The following PCED1B variants were observed in gnomAD, a reference collection of about 807,000 sequenced individuals.
The protein encoded by PCED1B is PC-esterase domain containing 1B.
For missense variants in PCED1B, 573 were observed against 573.9 expected (o/e 1.00, Z 0.02); for synonymous variants, 251 against 246.1 (o/e 1.02, Z -0.19).
At chr12:47,120,388 A>T (rs915802087) in intron 2 of PCED1B, among the ~76,000 whole-genome samples, 1 of 152,252 alleles carries the variant, frequency 6.6e-6, no homozygotes, top group African/African-American at 2.4e-5. Context: ...GCAAATGATT[A>T]TAGCAGTATT....
intron 2 of PCED1B, among the ~76,000 whole-genome samples, chr12:47,207,023 G>A (rs1942932172): frequency 6.6e-6 from 1 of 152,190 alleles, no homozygotes; most frequent in East Asian, 1.9e-4. Context: ...GCTCTGCCCA[G>A]GTAGAAGGAG....
At chr12:47,152,774 T>C (rs554537732) in intron 2 of PCED1B, among the ~76,000 whole-genome samples, 1 of 151,778 alleles carries the variant, frequency 6.6e-6, no homozygotes, top group East Asian at 2.0e-4. Context: ...CTACTAAAAA[T>C]ACAAAAAAAC....
At chr12:47,214,469 G>A (rs1943187290) in intron 2 of PCED1B, among the ~76,000 whole-genome samples, 1 of 151,998 alleles carries the variant, frequency 6.6e-6, no homozygotes, top group African/African-American at 2.4e-5. Context: ...AGGTTCTTTG[G>A]CTGGGATACA....
chr12:47,160,281 C>A (rs142856796), intron 2 of PCED1B, among the ~76,000 whole-genome samples: 3 of 119,234 alleles, frequency 2.5e-5, no homozygotes, highest in South Asian at 2.7e-4. Context: ...CTTTCTTTTT[C>A]TTTTTCTTTT....
chr12:47,227,398 C>A (rs1406428094), intron 3 of PCED1B, among the ~76,000 whole-genome samples: 1 of 151,962 alleles, frequency 6.6e-6, no homozygotes, highest in Non-Finnish European at 1.5e-5. Context: ...GTCTTGAACT[C>A]CTGACCCCAG....
intron 1 of PCED1B, among the ~76,000 whole-genome samples, chr12:47,095,069 CAAT>C (rs1938430165): frequency 8.2e-6 from 1 of 121,318 alleles, no homozygotes; most frequent in African/African-American, 3.3e-5. Context: ...ACTGTGCCCA[CAAT>C]TTTTTTTTTT....
At chr12:47,166,956 G>A (rs970592233) in intron 2 of PCED1B, among the ~76,000 whole-genome samples, 2 of 152,180 alleles carry the variant, frequency 1.3e-5, no homozygotes, top group Non-Finnish European at 2.9e-5. Context: ...CAGCCAGATG[G>A]TTAAGGCTTT....
At chr12:47,169,488 G>C (rs1035168499) in intron 2 of PCED1B, among the ~76,000 whole-genome samples, 7 of 152,078 alleles carry the variant, frequency 4.6e-5, no homozygotes, top group African/African-American at 1.7e-4. Flanking sequence ...GGGGTAGTAT[G>C]TCCTAAACCC....
Position 47,236,611 on chromosome 12 carries a change from CT to C in PCED1B, c.*250del. The C allele has an allele frequency of 2.3e-6, 1 of 427,698 alleles. No individual in the cohort carries two copies. The highest frequency in any genetic ancestry group is 4.2e-6 in the Non-Finnish European group (1 of 235,356). The allele number at this position is 427,698 out of a possible 1,614,324, so 26.5% of individuals were successfully genotyped here. A position where few individuals can be genotyped will look rare whatever the true frequency, so the allele number is the denominator to read the frequency against. ...TTATTCCTGCCTCCTCACTCCTATT[CT>C]CTTTGCCTTTGTGTAAAAATAAAAT... On this transcript the variant is annotated 3_prime_UTR_variant, in exon 4 of 4. Transcript: ENST00000546455.
intron 3 of PCED1B, among the ~76,000 whole-genome samples, chr12:47,223,085 A>T (rs534992331): frequency 6.6e-6 from 1 of 152,260 alleles, no homozygotes; most frequent in South Asian, 2.1e-4. Flanking sequence ...CTTGAGAAAG[A>T]CCTGGAAGGG....
rs74086372 is a variant in PCED1B, at chr12:47,173,893, C to T, written c.-525-42329C>T. ...AGGAAAATGTCTGTGGTAAATGCTG[C>T]GGATGCTTTGAAGACTATTCTTATT... On this transcript the variant is annotated intron_variant, in intron 2 of 3. Transcript: ENST00000546455. Among the ~76,000 whole-genome samples, 504 of 152,228 alleles carry T rather than the reference C, an allele frequency of 3.3e-3. 5 individuals are homozygous for T. The highest frequency in any genetic ancestry group is 0.011 in the African/African-American group (467 of 41,530).
At chr12:47,205,639 A>T (rs1346196728) in intron 2 of PCED1B, among the ~76,000 whole-genome samples, 1 of 152,152 alleles carries the variant, frequency 6.6e-6, no homozygotes, top group South Asian at 2.1e-4. Context: ...TTTCACTGAC[A>T]TAATTTTCTT....
intron 3 of PCED1B, among the ~76,000 whole-genome samples, chr12:47,224,618 G>A (rs753335267): frequency 2.0e-5 from 3 of 152,080 alleles, no homozygotes; most frequent in Non-Finnish European, 2.9e-5. Context: ...TCTAGTTTCC[G>A]TTTTTCGCTT....
At chr12:47,119,341 G>T (rs976187028) in intron 2 of PCED1B, among the ~76,000 whole-genome samples, 3 of 152,084 alleles carry the variant, frequency 2.0e-5, no homozygotes, top group African/African-American at 7.2e-5. Context: ...GTAATAATTT[G>T]TTAGGTATGA....
At chr12:47,229,893 C>T (rs1943746878) in intron 3 of PCED1B, among the ~76,000 whole-genome samples, 2 of 151,574 alleles carry the variant, frequency 1.3e-5, no homozygotes, top group Non-Finnish European at 2.9e-5. Flanking sequence ...CCTCAGCCTC[C>T]CGAGTAGCTG....
At chr12:47,213,658 G>A (rs1943161798) in intron 2 of PCED1B, among the ~76,000 whole-genome samples, 1 of 152,210 alleles carries the variant, frequency 6.6e-6, no homozygotes, top group South Asian at 2.1e-4. Context: ...GGATATCTGT[G>A]TGTGAAAGCA....
In PCED1B at chr12:47,156,359, C is replaced by G. The variant is rs140037510; in HGVS notation, c.-526+52164C>G. On this transcript the variant is annotated intron_variant, in intron 2 of 3. Coordinates refer to ENST00000546455, the MANE Select transcript of PCED1B (RefSeq NM_138371.3). ...ACAGGATTTTGCAAGCCTGCTCAAC[C>G]CTTTTTCTTACCAAGCACTGCAAAG... Among the ~76,000 whole-genome samples, 511 of 152,146 alleles carry G rather than the reference C, an allele frequency of 3.4e-3. 8 individuals are homozygous for G. In the South Asian group the frequency reaches 0.041, roughly 12 times the overall value.
rs201639871 is a variant in PCED1B at position 47,195,552 on chromosome 12, C to CA, written c.-525-20661dup. On this transcript the variant is annotated intron_variant, in intron 2 of 3. Coordinates refer to ENST00000546455, the MANE Select transcript of PCED1B (RefSeq NM_138371.3). ...AATTCACTTAGAGGCAGCAACTACC[C>CA]AAAAAAAAACCCCACCATAGTAGAG... is the stretch of plus-strand genomic sequence containing the variant. Among the ~76,000 whole-genome samples, 337 of 150,320 alleles carry CA rather than the reference C, an allele frequency of 2.2e-3. 6 individuals are homozygous for CA. In the East Asian group the frequency reaches 0.029, roughly 13 times the overall value.
rs572413067 is a variant in PCED1B at position 47,195,871 on chromosome 12, A to T, written c.-525-20351A>T. ...ATAGCAGTCAGAACTTAATGTTATA[A>T]TATACGGGCTATGGTTATGTTTTAT... On this transcript the variant is annotated intron_variant, in intron 2 of 3. Coordinates refer to ENST00000546455, the MANE Select transcript of PCED1B (RefSeq NM_138371.3). Among the ~76,000 whole-genome samples, 119 of 152,342 alleles carry T rather than the reference A, an allele frequency of 7.8e-4. 3 individuals are homozygous for T. Among genetic ancestry groups the T allele is most frequent in the Middle Eastern group, 6.8e-3 (2 of 294 alleles).
Sources: allele counts gnomAD v4.1 joint callset (sites outside exome capture counted in the v4.1 genomes callset), GRCh38; gene constraint gnomAD v4.1.1; transcripts MANE v1.5; gene names NCBI Gene and HGNC (gene_info 2026-07-23, HGNC 2026-07-21).